Variants in DNAAF1 observed in about 807,000 individuals in gnomAD.
DNAAF1 encodes the protein dynein axonemal assembly factor 1.
Under a neutral mutation model 71.1 loss-of-function variants are expected in DNAAF1, and 65 were observed. The ratio of observed to expected loss-of-function variants is 0.91; its 90% CI spans 0.75 to 1.12. DNAAF1 has a LOEUF of 1.12. Ranked by LOEUF, DNAAF1 falls within the 50% of genes most tolerant of loss-of-function variation. DNAAF1 has a pLI of 0.00. For synonymous variants in DNAAF1, 414 were observed against 354.6 expected, an observed-to-expected ratio of 1.17 and a Z score of -1.88; for missense variants, 1,178 against 899.8, an observed-to-expected ratio of 1.31 and a Z score of -3.96.
chr16:84,156,291 A>G (rs901061708), intron 5 of DNAAF1, among the ~76,000 whole-genome samples: 1 of 152,228 alleles, frequency 6.6e-6, no homozygotes, highest in Non-Finnish European at 1.5e-5. Flanking sequence ...CAAGGAAACC[A>G]GGTCCTCTGT....
At chr16:84,147,759 C>CA (rs2086979671) in intron 1 of DNAAF1, among the ~76,000 whole-genome samples, 86 of 149,718 alleles carry the variant, frequency 5.7e-4, no homozygotes, top group African/African-American at 9.1e-4. Flanking sequence ...TAAGCCCCCC[C>CA]CAAAAAAAAA....
At chr16:84,161,632 C>T (rs2087720779) in intron 6 of DNAAF1, among the ~76,000 whole-genome samples, 1 of 152,004 alleles carries the variant, frequency 6.6e-6, no homozygotes. Flanking sequence ...TCCCAAAGCT[C>T]TGAGGCTCCG....
chr16:84,154,896 G>T lies in DNAAF1; in HGVS notation c.574+98G>T, dbSNP rs367733826. Reference sequence around the variant, plus strand: ...TTTTATATTATGGGCAAGAAGTGGTGTTTTTTTTTGTCTTTTTTTTGTTTT... The same window carrying T: ...TTTTATATTATGGGCAAGAAGTGGTTTTTTTTTTTGTCTTTTTTTTGTTTT... On this transcript the variant is annotated intron_variant, in intron 4 of 11. Transcript: ENST00000378553. The T allele has an allele frequency of 2.6e-3, 2,712 of 1,031,018 alleles. 52 individuals are homozygous for T. The South Asian group carries it at 0.031, about 12-fold the overall frequency. The allele number at this position is 1,031,018 out of a possible 1,614,324, so 63.9% of individuals were successfully genotyped here.
chr16:84,166,063 T>A (rs2087968097), intron 7 of DNAAF1, 114 bp downstream of exon 7: 3 of 986,956 alleles, frequency 3.0e-6, no homozygotes, highest in South Asian at 3.2e-5. Context: ...TTTTTTTTTT[T>A]TAGACAGAGT....
At chr16:84,155,791 A>C in intron 5 of DNAAF1, 42 bp downstream of exon 5, 1 of 1,608,764 alleles carries the variant, frequency 6.2e-7, no homozygotes, top group South Asian at 1.1e-5. Flanking sequence ...CACCACAGGA[A>C]ACCGCTTCTA....
At chr16:84,156,394 A>G (rs969114287) in intron 5 of DNAAF1, among the ~76,000 whole-genome samples, 33 of 152,208 alleles carry the variant, frequency 2.2e-4, no homozygotes, top group African/African-American at 7.7e-4. Context: ...GTAAAATGAT[A>G]TCGGAGCCAG....
chr16:84,177,702 A>C (rs1425686670), intron 11 of DNAAF1, 27 bp from the exon 12 acceptor site: 7 of 1,593,146 alleles, frequency 4.4e-6, no homozygotes, highest in Non-Finnish European at 4.3e-6. Context: ...GACAGGGAGA[A>C]AGCACAGGTC....
intron 10 of DNAAF1, 194 bp downstream of exon 10, chr16:84,174,916 T>C: frequency 3.0e-6 from 2 of 676,338 alleles, no homozygotes; most frequent in Non-Finnish European, 5.0e-6. Flanking sequence ...AGTGCAATAG[T>C]GTGTTCTTGG....
chr16:84,168,440 A>ATATTTT (rs1043991257), intron 7 of DNAAF1, among the ~76,000 whole-genome samples: 1 of 152,130 alleles, frequency 6.6e-6, no homozygotes, highest in African/African-American at 2.4e-5. Context: ...CCTTTGACTA[A>ATATTTT]TATTTTTATT....
intron 4 of DNAAF1, among the ~76,000 whole-genome samples, 182 bp downstream of exon 4, chr16:84,154,980 C>G (rs1403859295): frequency 6.6e-6 from 1 of 151,812 alleles, no homozygotes; most frequent in Non-Finnish European, 1.5e-5. Flanking sequence ...GCGATCTCAG[C>G]TCACTGCAAG....
intron 7 of DNAAF1, among the ~76,000 whole-genome samples, chr16:84,166,639 C>G (rs1370102253): frequency 6.6e-6 from 1 of 152,134 alleles, no homozygotes; most frequent in Non-Finnish European, 1.5e-5. Flanking sequence ...TCCCAAAGTG[C>G]TGGGATTATA....
chr16:84,176,104 A>G lies in DNAAF1; in HGVS notation c.1870A>G (p.Ile624Val), dbSNP rs375858796. Residue 624 changes from isoleucine (I) to valine (V), a missense_variant, in exon 11 of 12, where the codon ATC (isoleucine) becomes GTC (valine). Transcript: ENST00000378553. ...SKAARVPFTD[I>V]FKKEAKRDLE... Reference sequence around the variant, plus strand: ...GGCGGCTCGGGTGCCCTTCACAGACATCTTTAAAAAAGAAGCTAAGAGGGA... The same window carrying G: ...GGCGGCTCGGGTGCCCTTCACAGACGTCTTTAAAAAAGAAGCTAAGAGGGA... 12 of 1,613,986 alleles carry G rather than the reference A, an allele frequency of 7.4e-6. No individual in the cohort carries two copies. Among genetic ancestry groups the G allele is most frequent in the African/African-American group, 2.7e-5 (2 of 75,018 alleles).
At chr16:84,146,201 G>C (rs7199955) in intron 1 of DNAAF1, among the ~76,000 whole-genome samples, 2,035 of 152,194 alleles carry the variant, frequency 0.013, 44 homozygotes, top group African/African-American at 0.043. Flanking sequence ...ATTCTCCCTG[G>C]TCCCAACTTT....
At chr16:84,177,130 AGGAAGCAGGGAG>A in intron 11 of DNAAF1, 1 of 177,436 alleles carries the variant, frequency 5.6e-6, no homozygotes. Flanking sequence ...ACTTGCAGGC[AGGAAGCAGGGAG>A]TGGCCTGAGT....
chr16:84,162,832 A>G (rs183907077), intron 6 of DNAAF1, among the ~76,000 whole-genome samples: 1 of 152,088 alleles, frequency 6.6e-6, no homozygotes, highest in African/African-American at 2.4e-5. Context: ...AACAAAAAAA[A>G]AAGAAATACC....
intron 10 of DNAAF1, 71 bp from the exon 11 acceptor site, chr16:84,175,862 G>C: frequency 1.3e-6 from 2 of 1,562,118 alleles, no homozygotes; most frequent in Non-Finnish European, 1.8e-6. Flanking sequence ...AAGCAGAACT[G>C]GCATGGTGCA....
At position 84,166,405 on chromosome 16, in the gene DNAAF1, C is replaced by G. The variant is rs2088002548; in HGVS notation, c.1030+456C>G. Among the ~76,000 whole-genome samples, 4 of 117,058 alleles carry G rather than the reference C, an allele frequency of 3.4e-5. No homozygotes were observed. The South Asian group carries it at 1.0e-3, about 30-fold the overall frequency. 76.8% of individuals were successfully genotyped at this position (117,058 alleles called of 152,430 possible). On this transcript the variant is annotated intron_variant, in intron 7 of 11. Transcript: ENST00000378553. ...TTTTTTTTTTTGGTTGGGACAGGATCTTACTCTGTTGCCCAGGCTAGAGTG... is the reference window on the plus strand; with the variant it reads ...TTTTTTTTTTTGGTTGGGACAGGATGTTACTCTGTTGCCCAGGCTAGAGTG...
intron 5 of DNAAF1, among the ~76,000 whole-genome samples, chr16:84,156,425 T>A (rs2087429464): frequency 6.6e-6 from 1 of 152,180 alleles, no homozygotes; most frequent in African/African-American, 2.4e-5. Context: ...GTATCCAGGC[T>A]CCATATTTCA....
rs371448655 is a variant in DNAAF1 at position 84,173,201 on chromosome 16, C to A, written c.1644+826C>A. ...GTGATCGGCCAGGCATGGTGGCTTA[C>A]GCCTGTAATCCCAGCACTTTGGGAG... is the stretch of plus-strand genomic sequence containing the variant. On this transcript the variant is annotated intron_variant, in intron 9 of 11. Coordinates refer to ENST00000378553, the MANE Select transcript of DNAAF1 (RefSeq NM_178452.6). 8.1e-6 allele frequency: 8 copies of A among 984,634 alleles called. No homozygotes were observed. In the Admixed American group the frequency reaches 4.3e-4, roughly 53 times the overall value. 61.0% of individuals were successfully genotyped at this position (984,634 alleles called of 1,614,324 possible). A position where few individuals can be genotyped will look rare whatever the true frequency, so the allele number is the denominator to read the frequency against.
Sources: gnomAD v4.1 joint callset for allele counts (sites outside exome capture counted in the v4.1 genomes callset) on GRCh38, gnomAD v4.1.1 for gene constraint, MANE v1.5 for transcripts, NCBI Gene and HGNC (gene_info 2026-07-23, HGNC 2026-07-21) for gene names.